Variants in LMO1 observed in about 807,000 individuals in gnomAD.
LMO1 encodes rhombotin-1.
A neutral mutation model predicts 18.0 loss-of-function variants in LMO1; 10 were observed. That is an observed-to-expected ratio of 0.55 (90% confidence interval 0.34 to 0.94). The LOEUF (loss-of-function observed/expected upper bound fraction) is 0.94. LMO1 is among the 40% of genes least tolerant of loss of function. The probability of loss-of-function intolerance (pLI) is 0.02; values close to 1 mark genes in which losing one functional copy is unlikely to be tolerated. For missense variants in LMO1, 183 were observed against 205.7 expected (o/e 0.89, Z 0.68); for synonymous variants, 77 against 77.9 (o/e 0.99, Z 0.06).
intron 1 of LMO1, among the ~76,000 whole-genome samples, chr11:8,231,101 G>A (rs1234301534): frequency 6.6e-6 from 1 of 152,156 alleles, no homozygotes; most frequent in Non-Finnish European, 1.5e-5. Flanking sequence ...GGAGGCAGCT[G>A]GCAGGGCCTG....
chr11:8,241,552 C>G (rs1846793278), intron 1 of LMO1, among the ~76,000 whole-genome samples: 2 of 152,228 alleles, frequency 1.3e-5, no homozygotes, highest in Admixed American at 6.5e-5. Flanking sequence ...CAAACTCCTT[C>G]CTGCCTCAGG....
At chr11:8,227,381 G>C (rs1952567907) in intron 2 of LMO1, among the ~76,000 whole-genome samples, 2 of 152,344 alleles carry the variant, frequency 1.3e-5, no homozygotes, top group South Asian at 2.1e-4. Flanking sequence ...CTCCCACAAG[G>C]GTCCTCAAGC....
At chr11:8,260,446 C>T (rs896490202) in intron 1 of LMO1, among the ~76,000 whole-genome samples, 1 of 152,050 alleles carries the variant, frequency 6.6e-6, no homozygotes, top group African/African-American at 2.4e-5. Context: ...AGCAAGCATC[C>T]AAATGAAAGC....
At chr11:8,250,197 A>G (rs1327409478) in intron 1 of LMO1, among the ~76,000 whole-genome samples, 2 of 152,146 alleles carry the variant, frequency 1.3e-5, no homozygotes, top group African/African-American at 4.8e-5. Context: ...TCTGGCAATT[A>G]TTTCTACCAG....
intron 1 of LMO1, among the ~76,000 whole-genome samples, chr11:8,247,574 C>T (rs1049670314): frequency 6.6e-6 from 1 of 152,240 alleles, no homozygotes; most frequent in Non-Finnish European, 1.5e-5. Flanking sequence ...GTAGTCACAG[C>T]GGCTCAGGCC....
intron 1 of LMO1, among the ~76,000 whole-genome samples, chr11:8,243,173 C>A (rs908977547): frequency 1.3e-5 from 2 of 152,150 alleles, no homozygotes; most frequent in African/African-American, 4.8e-5. Flanking sequence ...TGAGGCATTG[C>A]CCCGGGGCTT....
At chr11:8,262,924 G>A (rs1847211629) in intron 1 of LMO1, among the ~76,000 whole-genome samples, 1 of 152,246 alleles carries the variant, frequency 6.6e-6, no homozygotes, top group African/African-American at 2.4e-5. Flanking sequence ...CGCCTCTCGG[G>A]TTACGCGGCG....
At chr11:8,233,927 G>A (rs1036711889) in intron 1 of LMO1, among the ~76,000 whole-genome samples, 4 of 152,110 alleles carry the variant, frequency 2.6e-5, no homozygotes, top group East Asian at 1.9e-4. Context: ...ATGGCTTTGC[G>A]CTCCTTCAGG....
In LMO1 at chr11:8,263,848, C is replaced by G. The variant is rs1565190381; in HGVS notation, c.-486G>C. Reference sequence around the variant, plus strand: ...CAAAGAGATGGGGGAATCTCGTGGCCGTCTCCCGCTGCCTTTCTCCCTCAA... The same window carrying G: ...CAAAGAGATGGGGGAATCTCGTGGCGGTCTCCCGCTGCCTTTCTCCCTCAA... On this transcript the variant is annotated 5_prime_UTR_variant, in exon 1 of 4. Coordinates refer to ENST00000335790, the MANE Select transcript of LMO1 (RefSeq NM_002315.3). 1.9e-6 allele frequency: 2 copies of G among 1,048,956 alleles called. No homozygotes were observed. The highest frequency in any genetic ancestry group is 1.7e-5 in the African/African-American group (1 of 59,310). The allele number at this position is 1,048,956 out of a possible 1,614,324, so 65.0% of individuals were successfully genotyped here.
intron 2 of LMO1, among the ~76,000 whole-genome samples, chr11:8,229,411 C>A (rs114484375): frequency 6.6e-6 from 1 of 152,198 alleles, no homozygotes; most frequent in African/African-American, 2.4e-5. Context: ...CCCCATGAAG[C>A]CCTTGCCCCG....
chr11:8,261,419 C>G (rs1390413308), intron 1 of LMO1, among the ~76,000 whole-genome samples: 2 of 152,208 alleles, frequency 1.3e-5, no homozygotes, highest in Admixed American at 6.5e-5. Flanking sequence ...TTTGTATTAT[C>G]TCAGAGCCAG....
At chr11:8,253,755 A>G (rs907094044) in intron 1 of LMO1, among the ~76,000 whole-genome samples, 3 of 152,112 alleles carry the variant, frequency 2.0e-5, no homozygotes, top group Non-Finnish European at 2.9e-5. Context: ...CACCGTGCCA[A>G]CCAGCAAAGT....
rs1952630606 is a variant in LMO1 at position 8,230,287 on chromosome 11, C to G, written c.239+4G>C. On this transcript the variant is annotated splice_donor_region_variant and intron_variant, in intron 2 of 3. Coordinates refer to ENST00000335790, the MANE Select transcript of LMO1 (RefSeq NM_002315.3). ...GCTTGGGAGGCCAGGGTTTGGCAGC[C>G]CACCTCAGGTAGTCGCGTCGGCACA... 6.2e-7 allele frequency: 1 copy of G among 1,613,104 alleles called. No homozygotes were observed. The highest frequency in any genetic ancestry group is 1.3e-5 in the African/African-American group (1 of 75,030).
chr11:8,244,658 C>G (rs1284138145), intron 1 of LMO1, among the ~76,000 whole-genome samples: 1 of 152,230 alleles, frequency 6.6e-6, no homozygotes, highest in East Asian at 1.9e-4. Context: ...TGTTTTATTA[C>G]CACTCGGGCT....
chr11:8,262,573 T>C (rs756066891), intron 1 of LMO1, among the ~76,000 whole-genome samples: 29 of 152,272 alleles, frequency 1.9e-4, no homozygotes, highest in Middle Eastern at 3.4e-3. Flanking sequence ...TCCCGTGCCC[T>C]GCAGTTTTCT....
At chr11:8,235,039 T>G (rs1452377414) in intron 1 of LMO1, among the ~76,000 whole-genome samples, 1 of 152,132 alleles carries the variant, frequency 6.6e-6, no homozygotes, top group East Asian at 1.9e-4. Flanking sequence ...GTCTTTCCGC[T>G]CAGAATGTGG....
chr11:8,252,108 C>T (rs865992184), intron 1 of LMO1, among the ~76,000 whole-genome samples: 14 of 152,266 alleles, frequency 9.2e-5, no homozygotes, highest in Middle Eastern at 3.4e-3. Context: ...GTGTCTTTAC[C>T]GCCACCTCCC....
At chr11:8,229,632 G>C (rs902680259) in intron 2 of LMO1, among the ~76,000 whole-genome samples, 1 of 152,224 alleles carries the variant, frequency 6.6e-6, no homozygotes, top group Non-Finnish European at 1.5e-5. Flanking sequence ...GGGAGGGTGA[G>C]TTAGAGCTCA....
intron 1 of LMO1, among the ~76,000 whole-genome samples, chr11:8,249,713 A>C (rs999143518): frequency 1.3e-5 from 2 of 152,160 alleles, no homozygotes; most frequent in African/African-American, 4.8e-5. Context: ...CTCACTGATG[A>C]TGCCCCAAGC....
Sources: allele counts gnomAD v4.1 joint callset (sites outside exome capture counted in the v4.1 genomes callset), GRCh38; gene constraint gnomAD v4.1.1; transcripts MANE v1.5; gene names NCBI Gene and HGNC (gene_info 2026-07-23, HGNC 2026-07-21).